The following CSMD1 variants were observed in gnomAD, a reference collection of about 807,000 sequenced individuals.
CSMD1 encodes the protein CUB and Sushi multiple domains 1, also known as CUB and sushi domain-containing protein 1.
CSMD1 carries 213 observed loss-of-function variants against 417.5 expected under a neutral mutation model. That is an observed-to-expected ratio of 0.51 (90% CI 0.46 to 0.57). The LOEUF (loss-of-function observed/expected upper bound fraction) is 0.57. CSMD1 is among the 20% of genes least tolerant of loss of function. The pLI, the probability that CSMD1 is intolerant of heterozygous loss-of-function variation, is 0.00. For missense variants in CSMD1, 6,923 were observed against 4,529.7 expected (o/e 1.53, Z -15.17); for synonymous variants, 2,862 against 1,736.8 (o/e 1.65, Z -16.11).
rs529665586 is a variant in CSMD1 at position 4,686,782 on chromosome 8, G to A, written c.86-49224C>T. ...TCAGAAGAAAAGATCCTTCTCCTTCGCTTCAGAGACCCATTTGAAAGGTTA... is the reference window on the plus strand; with the variant it reads ...TCAGAAGAAAAGATCCTTCTCCTTCACTTCAGAGACCCATTTGAAAGGTTA... On this transcript the variant is annotated intron_variant, in intron 1 of 69. Transcript: ENST00000635120. Among the ~76,000 whole-genome samples, 5 of 152,274 alleles carry A rather than the reference G, an allele frequency of 3.3e-5. No individual in the cohort carries two copies. In the East Asian group the frequency reaches 9.6e-4, roughly 29 times the overall value.
At chr8:3,911,531 A>C (rs1808467587) in intron 5 of CSMD1, among the ~76,000 whole-genome samples, 1 of 127,814 alleles carries the variant, frequency 7.8e-6, no homozygotes, top group Non-Finnish European at 1.6e-5. Context: ...CCGTCTCAAA[A>C]TAAAAAAAAA....
At chr8:4,214,127 T>A (rs976821915) in intron 3 of CSMD1, among the ~76,000 whole-genome samples, 1 of 152,208 alleles carries the variant, frequency 6.6e-6, no homozygotes, top group Non-Finnish European at 1.5e-5. Flanking sequence ...TTTGTTTGTT[T>A]TGTTTTGGCT....
chr8:4,043,516 T>C (rs28565085), intron 3 of CSMD1, among the ~76,000 whole-genome samples: 41,770 of 151,970 alleles, frequency 0.27, 5,888 homozygotes, highest in African/African-American at 0.31. Context: ...AACAGACAAA[T>C]AGATAACAGT....
rs965575386 is a variant in CSMD1 at position 4,887,425 on chromosome 8, C to T, written c.85+106907G>A. ...ACAACAGTTCATCTGCAAATGAGAA[C>T]CGAGGTATATTAGATTTTTTTCACT... On this transcript the variant is annotated intron_variant, in intron 1 of 69. Coordinates refer to ENST00000635120, the MANE Select transcript of CSMD1 (RefSeq NM_033225.6). Among the ~76,000 whole-genome samples, 6 of 152,058 alleles carry T rather than the reference C, an allele frequency of 3.9e-5. No homozygotes were observed. In the South Asian group the frequency reaches 1.2e-3, roughly 32 times the overall value.
chr8:4,805,728 T>G (rs979623719), intron 1 of CSMD1, among the ~76,000 whole-genome samples: 13 of 152,210 alleles, frequency 8.5e-5, no homozygotes, highest in Admixed American at 8.5e-4. Context: ...ATATTATAAT[T>G]TGTTCAAATT....
At chr8:3,335,931 T>G (rs1807233036) in intron 23 of CSMD1, among the ~76,000 whole-genome samples, 1 of 152,138 alleles carries the variant, frequency 6.6e-6, no homozygotes, top group Non-Finnish European at 1.5e-5. Context: ...TTCTCAAAAG[T>G]CTGGCCTTCC....
At chr8:3,889,452 C>CATAT (rs1171842639) in intron 5 of CSMD1, among the ~76,000 whole-genome samples, 530 of 45,340 alleles carry the variant, frequency 0.012, 13 homozygotes, top group African/African-American at 0.02. Context: ...CTGATCTTTC[C>CATAT]ATATATATAT....
At chr8:4,148,196 CTG>C (rs1443642048) in intron 3 of CSMD1, among the ~76,000 whole-genome samples, 24 of 152,114 alleles carry the variant, frequency 1.6e-4, no homozygotes, top group African/African-American at 4.8e-4. Context: ...CTATAACTAA[CTG>C]TAAGTTATAA....
chr8:3,255,216 A>T (rs1250664729), intron 26 of CSMD1, among the ~76,000 whole-genome samples: 2 of 151,814 alleles, frequency 1.3e-5, no homozygotes, highest in Non-Finnish European at 2.9e-5. Flanking sequence ...TTGCTGCCTG[A>T]CCATTCCTCT....
chr8:4,060,447 G>C (rs1200395657), intron 3 of CSMD1, among the ~76,000 whole-genome samples: 2 of 152,090 alleles, frequency 1.3e-5, no homozygotes, highest in African/African-American at 4.8e-5. Context: ...TGGCCATATT[G>C]GTGAATTTCT....
chr8:4,843,100 G>A (rs538593392), intron 1 of CSMD1, among the ~76,000 whole-genome samples: 36 of 152,284 alleles, frequency 2.4e-4, no homozygotes, highest in African/African-American at 8.7e-4. Context: ...CATTTGTTAG[G>A]ATGTGCGAAT....
At chr8:4,316,956 T>C (rs1188271208) in intron 3 of CSMD1, among the ~76,000 whole-genome samples, 2 of 151,886 alleles carry the variant, frequency 1.3e-5, no homozygotes, top group African/African-American at 2.4e-5. Context: ...GTCAGATTCA[T>C]ACGAAAACTC....
intron 7 of CSMD1, among the ~76,000 whole-genome samples, chr8:3,705,161 G>C (rs2129038498): frequency 6.6e-6 from 1 of 152,302 alleles, no homozygotes; most frequent in East Asian, 1.9e-4. Context: ...ACAGGGCAGT[G>C]GCAGGGGAAG....
intron 11 of CSMD1, among the ~76,000 whole-genome samples, chr8:3,475,660 A>C (rs572210754): frequency 1.3e-4 from 20 of 152,346 alleles, no homozygotes; most frequent in African/African-American, 4.8e-4. Context: ...ATTTCAGTGA[A>C]GATACTGCTG....
At chr8:3,574,856 G>C (rs1347255665) in intron 10 of CSMD1, 89 bp downstream of exon 10, 8 of 1,424,364 alleles carry the variant, frequency 5.6e-6, no homozygotes, top group Admixed American at 2.0e-5. Flanking sequence ...TGTAAGCACG[G>C]ATAGCATTTG....
At chr8:3,058,977 G>C (rs1812411143) in intron 49 of CSMD1, among the ~76,000 whole-genome samples, 1 of 152,014 alleles carries the variant, frequency 6.6e-6, no homozygotes, top group African/African-American at 2.4e-5. Flanking sequence ...TTAAAAGGAA[G>C]GTGTGATGTT....
At chr8:2,968,607 C>G (rs939981136) in intron 57 of CSMD1, among the ~76,000 whole-genome samples, 10 of 152,044 alleles carry the variant, frequency 6.6e-5, no homozygotes, top group African/African-American at 2.4e-4. Flanking sequence ...CTGACAAAAA[C>G]CACTTTCACT....
At chr8:4,372,438 G>C (rs907581012) in intron 3 of CSMD1, among the ~76,000 whole-genome samples, 6 of 151,866 alleles carry the variant, frequency 4.0e-5, no homozygotes, top group African/African-American at 1.5e-4. Flanking sequence ...TGTATACCAT[G>C]AATTAGTGAA....
chr8:4,347,588 G>C (rs181780819), intron 3 of CSMD1, among the ~76,000 whole-genome samples: 1 of 152,182 alleles, frequency 6.6e-6, no homozygotes, highest in Non-Finnish European at 1.5e-5. Flanking sequence ...TCGCCAAAGA[G>C]AATGTAGATA....
Sources: gnomAD v4.1 joint callset for allele counts (sites outside exome capture counted in the v4.1 genomes callset) on GRCh38, gnomAD v4.1.1 for gene constraint, MANE v1.5 for transcripts, NCBI Gene and HGNC (gene_info 2026-07-23, HGNC 2026-07-21) for gene names.